SHISA9: variants seen among roughly 807,000 people sequenced by gnomAD.
SHISA9 encodes protein shisa-9.
SHISA9 carries 13 observed loss-of-function variants against 38.0 expected under a neutral mutation model. The ratio of observed to expected loss-of-function variants is 0.34; its 90% CI spans 0.22 to 0.54. The LOEUF is 0.54. SHISA9 is among the 20% of genes least tolerant of loss of function. SHISA9 has a pLI of 0.91. For missense variants in SHISA9, 538 were observed against 575.8 expected (o/e 0.93, Z 0.67); for synonymous variants, 275 against 242.0 (o/e 1.14, Z -1.27).
intron 2 of SHISA9, among the ~76,000 whole-genome samples, chr16:13,065,362 A>G (rs558506704): frequency 2.8e-4 from 42 of 152,214 alleles, no homozygotes; most frequent in African/African-American, 9.9e-4. Context: ...TACCAGCTCA[A>G]TGTTGGGGTT....
the SHISA9 span, among the ~76,000 whole-genome samples, chr16:13,346,061 C>T: frequency 4.6e-5 from 7 of 152,164 alleles, no homozygotes; most frequent in Admixed American, 1.3e-4. Context: ...AACCATCACC[C>T]AAATATTGTA....
chr16:13,027,422 C>T (rs1219125611), intron 2 of SHISA9, among the ~76,000 whole-genome samples: 6 of 152,138 alleles, frequency 3.9e-5, no homozygotes, highest in Non-Finnish European at 8.8e-5. Context: ...TAGCATGCAA[C>T]CCAGCAATTT....
intron 2 of SHISA9, 67 bp downstream of exon 2, chr16:12,916,882 A>T: frequency 1.3e-6 from 2 of 1,507,984 alleles, no homozygotes; most frequent in Non-Finnish European, 1.8e-6. Flanking sequence ...ACATTGCCAG[A>T]TTTCGTGGAG....
the SHISA9 span, among the ~76,000 whole-genome samples, chr16:13,327,250 G>T: frequency 6.6e-6 from 1 of 152,126 alleles, no homozygotes; most frequent in African/African-American, 2.4e-5. Flanking sequence ...GGAGCCGAGA[G>T]CCATGACCTG....
intron 1 of SHISA9, among the ~76,000 whole-genome samples, chr16:12,905,651 G>A (rs1461649684): frequency 6.6e-6 from 1 of 151,146 alleles, no homozygotes; most frequent in East Asian, 2.0e-4. Context: ...GAGTGCAGTG[G>A]CAGGATCTCC....
intron 2 of SHISA9, among the ~76,000 whole-genome samples, chr16:13,200,288 A>G (rs1268516006): frequency 6.6e-6 from 1 of 152,080 alleles, no homozygotes; most frequent in Non-Finnish European, 1.5e-5. Context: ...CTTTATCGCC[A>G]CTTGAGTTGT....
intron 2 of SHISA9, among the ~76,000 whole-genome samples, chr16:13,117,527 A>G (rs2074041979): frequency 1.3e-5 from 2 of 152,214 alleles, no homozygotes. Context: ...ATTCCAGATT[A>G]TCTGCCTAGG....
chr16:12,909,102 A>C, intron 1 of SHISA9: 1 of 988,780 alleles, frequency 1.0e-6, no homozygotes, highest in Non-Finnish European at 1.2e-6. Context: ...CAGGCTGGAG[A>C]AGTCCATGTG....
chr16:13,238,224 A>G lies in SHISA9; in HGVS notation c.*2815A>G, dbSNP rs1457336295. The G allele has an allele frequency of 6.6e-6, 1 of 152,186 alleles. No homozygotes were observed. Among genetic ancestry groups the G allele is most frequent in the Non-Finnish European group, 1.5e-5 (1 of 68,036 alleles). The allele number at this position is 152,186 out of a possible 1,614,324, so 9.4% of individuals were successfully genotyped here. ...CACCCAATGAAGACTTTCTCTTTGT[A>G]CTAATAAGATGGACCAAAAAGTAAA... On this transcript the variant is annotated 3_prime_UTR_variant, in exon 5 of 5. Coordinates refer to ENST00000558583, the MANE Select transcript of SHISA9 (RefSeq NM_001145204.3).
the SHISA9 span, among the ~76,000 whole-genome samples, chr16:13,559,244 T>G: frequency 6.6e-6 from 1 of 152,188 alleles, no homozygotes; most frequent in Non-Finnish European, 1.5e-5. Context: ...GAAACGATTC[T>G]AGAGAACTGT....
At chr16:12,920,602 C>T (rs2071315370) in intron 2 of SHISA9, among the ~76,000 whole-genome samples, 1 of 152,146 alleles carries the variant, frequency 6.6e-6, no homozygotes, top group Non-Finnish European at 1.5e-5. Context: ...GGAAACATCT[C>T]ATGTACCCTA....
At chr16:13,133,136 G>A (rs1381651643) in intron 2 of SHISA9, among the ~76,000 whole-genome samples, 2 of 152,174 alleles carry the variant, frequency 1.3e-5, no homozygotes, top group Non-Finnish European at 2.9e-5. Flanking sequence ...AGACAAATAA[G>A]GTGAGCAGTC....
intron 2 of SHISA9, among the ~76,000 whole-genome samples, chr16:13,162,889 AC>A (rs1451963982): frequency 2.6e-5 from 4 of 152,086 alleles, no homozygotes; most frequent in African/African-American, 7.2e-5. Flanking sequence ...TTATTTTATC[AC>A]CTTGGAGCCG....
At chr16:13,245,506 A>G in the SHISA9 span, among the ~76,000 whole-genome samples, 1 of 152,240 alleles carries the variant, frequency 6.6e-6, no homozygotes, top group African/African-American at 2.4e-5. Flanking sequence ...CAGTAGCTTA[A>G]TGCTTAACAC....
the SHISA9 span, among the ~76,000 whole-genome samples, chr16:13,436,190 G>A: frequency 6.6e-6 from 1 of 152,186 alleles, no homozygotes; most frequent in African/African-American, 2.4e-5. Flanking sequence ...TCAACAGGAT[G>A]AGACAAGAGG....
chr16:13,387,188 G>T, the SHISA9 span, among the ~76,000 whole-genome samples: 1 of 152,138 alleles, frequency 6.6e-6, no homozygotes, highest in Non-Finnish European at 1.5e-5. Flanking sequence ...TTGAACTGTG[G>T]TATCCCAAAA....
At chr16:13,553,760 G>A in the SHISA9 span, among the ~76,000 whole-genome samples, 1 of 152,124 alleles carries the variant, frequency 6.6e-6, no homozygotes, top group Non-Finnish European at 1.5e-5. Flanking sequence ...TCCCTTCGCT[G>A]TGAATCACCA....
intron 2 of SHISA9, among the ~76,000 whole-genome samples, chr16:13,139,410 C>CTTCT (rs1262081125): frequency 1.8e-4 from 23 of 131,346 alleles, no homozygotes; most frequent in Admixed American, 1.1e-3. Flanking sequence ...TCCTTCCTTC[C>CTTCT]TTCCTTCCTT....
chr16:13,069,036 T>C (rs2073471497), intron 2 of SHISA9, among the ~76,000 whole-genome samples: 1 of 151,978 alleles, frequency 6.6e-6, no homozygotes. Flanking sequence ...ATGCATATTC[T>C]TGTGTGTACA....
Sources: allele counts gnomAD v4.1 joint callset (sites outside exome capture counted in the v4.1 genomes callset), GRCh38; gene constraint gnomAD v4.1.1; transcripts MANE v1.5; gene names NCBI Gene and HGNC (gene_info 2026-07-23, HGNC 2026-07-21).